MIF4GD: variants seen among roughly 807,000 people sequenced by gnomAD.
The protein encoded by MIF4GD is MIF4G domain-containing protein.
In MIF4GD, 22 loss-of-function variants were observed where a neutral mutation model predicts 26.7. The observed-to-expected ratio is 0.82, with a 90% CI of 0.59 to 1.18. The LOEUF is 1.18. MIF4GD is among the 50% of genes most tolerant of loss of function. MIF4GD has a pLI of 0.00. For synonymous variants in MIF4GD, 137 were observed against 111.6 expected (o/e 1.23, Z -1.43); for missense variants, 262 against 279.6 (o/e 0.94, Z 0.45).
intron 2 of MIF4GD, chr17:75,269,427 T>C: frequency 6.2e-7 from 1 of 1,614,066 alleles, no homozygotes; most frequent in South Asian, 1.1e-5. Flanking sequence ...ATATTCTCCA[T>C]CTTCTGTCTC....
rs2077487072 is a variant in MIF4GD at position 75,266,449 on chromosome 17, G to A, written c.*291C>T. ...GGCTATGCTTACCCATTTTACAGATGGGTAAACTGAGGCACCAAGGTAGTA... is the reference window on the plus strand; with the variant it reads ...GGCTATGCTTACCCATTTTACAGATAGGTAAACTGAGGCACCAAGGTAGTA... On this transcript the variant is annotated 3_prime_UTR_variant, in exon 6 of 6. Transcript: ENST00000325102. The A allele has an allele frequency of 8.2e-6, 4 of 487,358 alleles. No homozygotes were observed. Among genetic ancestry groups the A allele is most frequent in the Admixed American group, 3.3e-5 (1 of 30,166 alleles). 30.2% of individuals were successfully genotyped at this position (487,358 alleles called of 1,614,324 possible).
At chr17:75,268,230 CT>C in intron 2 of MIF4GD, 38 bp from the exon 3 acceptor site, 1 of 1,503,822 alleles carries the variant, frequency 6.6e-7, no homozygotes, top group Non-Finnish European at 9.3e-7. Context: ...AGAGCTGCTG[CT>C]TTATCACATT....
In MIF4GD at chr17:75,268,058, T is replaced by C. The variant is rs888265387; in HGVS notation, c.192+25A>G. On this transcript the variant is annotated intron_variant, in intron 3 of 5. Transcript: ENST00000325102. ...CCTGAAGCACCTTCCTCAAAGCAGC[T>C]TCCTTTCCTCTCCCAACCCCCAACC... is the stretch of plus-strand genomic sequence containing the variant. 3.1e-6 allele frequency: 5 copies of C among 1,612,310 alleles called. No individual in the cohort carries two copies. In the African/African-American group the frequency reaches 6.7e-5, roughly 22 times the overall value.
chr17:75,269,378 C>T (rs1486156782), intron 2 of MIF4GD: 2 of 1,613,968 alleles, frequency 1.2e-6, no homozygotes, highest in Non-Finnish European at 1.7e-6. Flanking sequence ...GGGAAGGCAT[C>T]AGGCGAGAGC....
In MIF4GD at chr17:75,271,086, G is replaced by A. The variant is rs1218124314; in HGVS notation, c.-51+58C>T. On this transcript the variant is annotated intron_variant, in intron 1 of 5. Coordinates refer to ENST00000325102, the MANE Select transcript of MIF4GD (RefSeq NM_001370592.1). This position sits in a 1 kb window ranked among gnomAD's most constrained non-coding sequence, Gnocchi z 4.2. The stretch of plus-strand genomic sequence containing the variant: ...CTCCCGGAGGCACAGGGCGGGCTGC[G>A]GAGCCCACGGCCCAGGGTCCCGCGG... 4 of 151,340 alleles carry A rather than the reference G, an allele frequency of 2.6e-5. No homozygotes were observed. The highest frequency in any genetic ancestry group is 5.9e-5 in the Non-Finnish European group (4 of 67,770). 9.4% of individuals were successfully genotyped at this position (151,340 alleles called of 1,614,324 possible). A position where few individuals can be genotyped will look rare whatever the true frequency, so the allele number is the denominator to read the frequency against.
chr17:75,267,875 A>G lies in MIF4GD; in HGVS notation c.219T>C (p.Ser73=), dbSNP rs372043201. The change falls in exon 4 of 6, where the codon AGT becomes AGC. Residue 73 remains serine, a synonymous_variant. Transcript: ENST00000325102. The part of the protein sequence containing the change: ...IQAESKQAGQ[S]VFRRGLLNRL... ...GGTTGAGGAGTCCACGTCGGAAGACACTCTGGCCTGCTTGTTTACTCTCTG... is the reference window on the plus strand; with the variant it reads ...GGTTGAGGAGTCCACGTCGGAAGACGCTCTGGCCTGCTTGTTTACTCTCTG... 3 of 1,613,082 alleles carry G rather than the reference A, an allele frequency of 1.9e-6. No homozygotes were observed. Among genetic ancestry groups the G allele is most frequent in the African/African-American group, 2.7e-5 (2 of 74,882 alleles).
Position 75,270,415 on chromosome 17 carries a change from G to T in MIF4GD, c.-50-170C>A. On this transcript the variant is annotated intron_variant, in intron 1 of 5. Coordinates refer to ENST00000325102, the MANE Select transcript of MIF4GD (RefSeq NM_001370592.1). The surrounding 1 kb of genome is among the most constrained non-coding windows in gnomAD (Gnocchi z 5.7). ...CCAGGCTTGGCTTCTGGTGGGGACT[G>T]GGCATCAGCCAGGCACCTGCTGCTC... is the stretch of plus-strand genomic sequence containing the variant. 1 of 558,158 alleles carries T rather than the reference G, an allele frequency of 1.8e-6. No individual in the cohort carries two copies. The highest frequency in any genetic ancestry group is 3.2e-6 in the Non-Finnish European group (1 of 309,586). The allele number at this position is 558,158 out of a possible 1,614,324, so 34.6% of individuals were successfully genotyped here. A position where few individuals can be genotyped will look rare whatever the true frequency, so the allele number is the denominator to read the frequency against.
chr17:75,267,003 G>T (rs1363626557), intron 5 of MIF4GD, 36 bp from the exon 6 acceptor site: 17 of 1,576,790 alleles, frequency 1.1e-5, no homozygotes, highest in Admixed American at 3.5e-5. Context: ...AAGTGAACTG[G>T]GGCAGTGCCA....
At chr17:75,267,440 T>A in intron 5 of MIF4GD, 98 bp downstream of exon 5, 1 of 1,209,740 alleles carries the variant, frequency 8.3e-7, no homozygotes, top group Non-Finnish European at 1.2e-6. Flanking sequence ...AGTGACACAG[T>A]CCTCAGAGAC....
In MIF4GD at chr17:75,267,658, C is replaced by T. The variant is rs759505346; in HGVS notation, c.349-28G>A. On this transcript the variant is annotated intron_variant, in intron 4 of 5. Transcript: ENST00000325102. Reference sequence around the variant, plus strand: ...GTGAGGAAGAGGAGGGGTCAGAGCACCAGGCTTAGTGGCCAAGGGGAGCAG... The same window carrying T: ...GTGAGGAAGAGGAGGGGTCAGAGCATCAGGCTTAGTGGCCAAGGGGAGCAG... The T allele has an allele frequency of 3.1e-6, 5 of 1,614,014 alleles. No homozygotes were observed. The South Asian group carries it at 4.4e-5, about 14-fold the overall frequency.
Position 75,266,682 on chromosome 17 carries a change from G to A in MIF4GD, c.*58C>T. The A allele has an allele frequency of 6.5e-7, 1 of 1,527,936 alleles. No homozygotes were observed. Among genetic ancestry groups the A allele is most frequent in the Non-Finnish European group, 9.1e-7 (1 of 1,102,020 alleles). The allele number at this position is 1,527,936 out of a possible 1,614,324, so 94.6% of individuals were successfully genotyped here. A position where few individuals can be genotyped will look rare whatever the true frequency, so the allele number is the denominator to read the frequency against. On this transcript the variant is annotated 3_prime_UTR_variant, in exon 6 of 6. Coordinates refer to ENST00000325102, the MANE Select transcript of MIF4GD (RefSeq NM_001370592.1). ...GGGTGAGGCAGAGACTCCACTGCCA[G>A]CTTTAGAGGTGGGTAGAAGAAAGGC...
At chr17:75,267,470 A>ACACACGGCTGAGCTGGACTGTC (rs2077535675) in intron 5 of MIF4GD, 68 bp downstream of exon 5, 3 of 1,493,054 alleles carry the variant, frequency 2.0e-6, no homozygotes. Flanking sequence ...CAGTGGGCTG[A>ACACACGGCTGAGCTGGACTGTC]CACACGGCTG....
intron 5 of MIF4GD, 43 bp from the exon 6 acceptor site, chr17:75,267,010 G>C (rs555844863): frequency 2.1e-5 from 33 of 1,553,268 alleles, no homozygotes; most frequent in Non-Finnish European, 2.7e-5. Flanking sequence ...CTGGGGCAGT[G>C]CCAGCCTCTC....
At chr17:75,269,542 G>A (rs1453561368) in intron 2 of MIF4GD, 3 of 818,616 alleles carry the variant, frequency 3.7e-6, no homozygotes, top group South Asian at 3.9e-5. Flanking sequence ...TTTTTTTATG[G>A]TTAAACTTTT....
chr17:75,268,283 A>T, intron 2 of MIF4GD, 91 bp from the exon 3 acceptor site: 1 of 956,010 alleles, frequency 1.0e-6, no homozygotes, highest in South Asian at 1.3e-5. Flanking sequence ...TTTACAGTAG[A>T]GCACTCATAT....
rs202019621 is a variant in MIF4GD at position 75,266,903 on chromosome 17, C to T, written c.506G>A (p.Arg169His). The T allele has an allele frequency of 1.1e-5, 17 of 1,614,164 alleles. No homozygotes were observed. Among genetic ancestry groups the T allele is most frequent in the Middle Eastern group, 3.3e-4 (2 of 6,062 alleles). ...GEQLEKMNGQ[R>H]MDELFVLIRD... Reference sequence around the variant, plus strand: ...GATCAGCACAAAGAGCTCATCCATGCGCTGCCCATTCATTTTCTCCAGCTG... The same window carrying T: ...GATCAGCACAAAGAGCTCATCCATGTGCTGCCCATTCATTTTCTCCAGCTG... Residue 169 changes from arginine (R) to histidine (H), a missense_variant, in exon 6 of 6, where the codon CGC becomes CAC. Arg to His is a conservative substitution (Grantham distance 29). Transcript: ENST00000325102.
intron 3 of MIF4GD, 33 bp downstream of exon 3, chr17:75,268,036 GAAGCACCTTCCTCA>G: frequency 6.2e-7 from 1 of 1,608,156 alleles, no homozygotes; most frequent in Non-Finnish European, 8.5e-7. Context: ...GCCCACTCCT[GAAGCACCTTCCTCA>G]AAGCAGCTTC....
chr17:75,267,556 ACTGT>A lies in MIF4GD; in HGVS notation c.419_422del (p.Asp140ValfsTer2), dbSNP rs760387965. ...CACCCACCTCCTCCTCCTTGCTCAA[ACTGT>A]CTGGCTGGGCCAGCCGGAAGAGGCA... On this transcript the variant is annotated frameshift_variant, in exon 5 of 6. Transcript: ENST00000325102. LOFTEE classifies it high-confidence loss of function. 112 of 1,613,992 alleles carry A rather than the reference ACTGT, an allele frequency of 6.9e-5. No individual in the cohort carries two copies. Among genetic ancestry groups the A allele is most frequent in the Middle Eastern group, 1.6e-4 (1 of 6,080 alleles).
intron 2 of MIF4GD, chr17:75,269,512 A>G: frequency 6.4e-7 from 1 of 1,560,152 alleles, no homozygotes; most frequent in Non-Finnish European, 8.7e-7. Flanking sequence ...TAAGCGCTTC[A>G]AGGGCAGGAG....
Sources: allele counts gnomAD v4.1 joint callset, GRCh38; gene constraint gnomAD v4.1.1; non-coding constraint Gnocchi (gnomAD v3.1); transcripts MANE v1.5; gene names NCBI Gene and HGNC (gene_info 2026-07-23, HGNC 2026-07-21).